The following TAB2 variants were observed in gnomAD, a reference collection of about 807,000 sequenced individuals.
TAB2 encodes the protein TGF-beta-activated kinase 1 and MAP3K7-binding protein 2.
TAB2 carries 3 observed loss-of-function variants against 65.0 expected under a neutral mutation model. The ratio of observed to expected loss-of-function variants is 0.05; its 90% CI spans 0.02 to 0.12. The LOEUF (loss-of-function observed/expected upper bound fraction) is 0.12. Among genes scored for constraint, TAB2 ranks in the 10% least tolerant of loss-of-function variants. The pLI is 1.00. For missense variants in TAB2, 623 were observed against 840.3 expected, an observed-to-expected ratio of 0.74 and a Z score of 3.20; for synonymous variants, 298 against 285.1, an observed-to-expected ratio of 1.05 and a Z score of -0.46.
At chr6:149,333,801 A>C (rs1448557712) in intron 1 of TAB2, among the ~76,000 whole-genome samples, 1 of 151,888 alleles carries the variant, frequency 6.6e-6, no homozygotes, top group African/African-American at 2.4e-5. Flanking sequence ...GCAAATTAGT[A>C]AAGTTTGTAA....
At chr6:149,327,368 T>C (rs1474512648) in intron 1 of TAB2, among the ~76,000 whole-genome samples, 5 of 152,264 alleles carry the variant, frequency 3.3e-5, no homozygotes, top group African/African-American at 7.2e-5. Context: ...GGTTTCGTTA[T>C]GTTGCCTAGG....
intron 1 of TAB2, among the ~76,000 whole-genome samples, chr6:149,308,636 C>G (rs1170573188): frequency 6.6e-6 from 1 of 152,060 alleles, no homozygotes; most frequent in Non-Finnish European, 1.5e-5. Context: ...TCAAGTGATT[C>G]TCCTGCCTCA....
At chr6:149,350,229 G>A (rs1474802413) in intron 1 of TAB2, among the ~76,000 whole-genome samples, 2 of 152,148 alleles carry the variant, frequency 1.3e-5, no homozygotes, top group African/African-American at 2.4e-5. Context: ...ACTGCGCCCG[G>A]CTGGAATTAA....
intron 1 of TAB2, among the ~76,000 whole-genome samples, chr6:149,344,463 C>A (rs1268364178): frequency 6.6e-6 from 1 of 152,048 alleles, no homozygotes; most frequent in Non-Finnish European, 1.5e-5. Context: ...AAATAGAATT[C>A]TTTAGAGAAA....
At chr6:149,406,753 T>C (rs1198965380) in intron 6 of TAB2, among the ~76,000 whole-genome samples, 1 of 152,140 alleles carries the variant, frequency 6.6e-6, no homozygotes, top group South Asian at 2.1e-4. Context: ...AGTTTCGCTG[T>C]TGTTGCCCAG....
chr6:149,271,956 C>T (rs960930332), intron 1 of TAB2, among the ~76,000 whole-genome samples: 1 of 152,078 alleles, frequency 6.6e-6, no homozygotes, highest in South Asian at 2.1e-4. Context: ...CAGTGTCAGA[C>T]GCCCACACAA....
chr6:149,236,758 T>C (rs1451140873), intron 1 of TAB2, among the ~76,000 whole-genome samples: 1 of 152,204 alleles, frequency 6.6e-6, no homozygotes, highest in Non-Finnish European at 1.5e-5. Context: ...TAGGCTACTG[T>C]TATTTTGTTT....
chr6:149,377,450 C>CAG (rs1208761142), intron 2 of TAB2, among the ~76,000 whole-genome samples: 1 of 151,370 alleles, frequency 6.6e-6, no homozygotes, highest in Non-Finnish European at 1.5e-5. Flanking sequence ...CTTGAGCCTC[C>CAG]AGAGAGAGAG....
chr6:149,248,470 A>AG (rs1210002486), intron 1 of TAB2, among the ~76,000 whole-genome samples: 8 of 149,820 alleles, frequency 5.3e-5, no homozygotes, highest in Non-Finnish European at 7.4e-5. Context: ...GAAGGAAGGA[A>AG]AGAAAGAAAG....
At chr6:149,294,433 C>T (rs563940172) in intron 1 of TAB2, among the ~76,000 whole-genome samples, 1 of 152,260 alleles carries the variant, frequency 6.6e-6, no homozygotes, top group South Asian at 2.1e-4. Flanking sequence ...TTGAAAAGAC[C>T]GTATCTTTAA....
intron 2 of TAB2, among the ~76,000 whole-genome samples, chr6:149,372,099 A>G (rs1781245753): frequency 1.3e-5 from 2 of 152,210 alleles, no homozygotes; most frequent in African/African-American, 4.8e-5. Flanking sequence ...ATTTCCCTAC[A>G]TATAGTACAG....
At chr6:149,233,618 A>G (rs997778741) in intron 1 of TAB2, among the ~76,000 whole-genome samples, 15 of 152,334 alleles carry the variant, frequency 9.8e-5, no homozygotes, top group Admixed American at 8.5e-4. Flanking sequence ...TGGATCTGAC[A>G]TTCTTCAAAT....
chr6:149,223,615 G>A (rs1040115417), intron 1 of TAB2, among the ~76,000 whole-genome samples: 1 of 152,146 alleles, frequency 6.6e-6, no homozygotes, highest in South Asian at 2.1e-4. Flanking sequence ...CTGTGGCTTT[G>A]GGGGTTAAAT....
chr6:149,248,922 A>T (rs545996755), intron 1 of TAB2, among the ~76,000 whole-genome samples: 1 of 152,110 alleles, frequency 6.6e-6, no homozygotes, highest in East Asian at 1.9e-4. Context: ...CTCTTAAAGG[A>T]TATGTGTCCA....
At chr6:149,230,832 C>A (rs564211738) in intron 1 of TAB2, among the ~76,000 whole-genome samples, 1 of 152,340 alleles carries the variant, frequency 6.6e-6, no homozygotes, top group South Asian at 2.1e-4. Context: ...ACATTCACAG[C>A]AAAGGTTAGG....
At chr6:149,403,244 AAAAATATATATATATATATATATAT>A (rs1782505486) in intron 6 of TAB2, among the ~76,000 whole-genome samples, 1 of 49,966 alleles carries the variant, frequency 2.0e-5, no homozygotes, top group African/African-American at 8.3e-5. Flanking sequence ...TAAAAAAAAA[AAAAATATATATATATATATATATAT>A]ATATATATAT....
chr6:149,335,667 C>T (rs1247399477), intron 1 of TAB2, among the ~76,000 whole-genome samples: 5 of 152,126 alleles, frequency 3.3e-5, no homozygotes, highest in Non-Finnish European at 7.4e-5. Flanking sequence ...AGCCACTATA[C>T]CTGACCTAGT....
At chr6:149,260,339 G>A (rs142764879) in intron 1 of TAB2, among the ~76,000 whole-genome samples, 208 of 152,322 alleles carry the variant, frequency 1.4e-3, no homozygotes, top group African/African-American at 4.8e-3. Context: ...CTGACCCACC[G>A]CGTGCTCCAG....
chr6:149,226,582 G>C (rs1777282918), intron 1 of TAB2, among the ~76,000 whole-genome samples: 2 of 152,152 alleles, frequency 1.3e-5, no homozygotes, highest in South Asian at 4.1e-4. Flanking sequence ...TCTTAACTGA[G>C]CCTCCTCGGG....
Sources: gnomAD v4.1 joint callset for allele counts (sites outside exome capture counted in the v4.1 genomes callset) on GRCh38, gnomAD v4.1.1 for gene constraint, MANE v1.5 for transcripts, NCBI Gene and HGNC (gene_info 2026-07-23, HGNC 2026-07-21) for gene names.